NEBL: variants seen among roughly 807,000 people sequenced by gnomAD.
NEBL encodes the protein nebulette, also known as LIM and SH3 protein 2.
In NEBL, 122 loss-of-function variants were observed where a neutral mutation model predicts 140.2. The observed-to-expected ratio is 0.87, with a 90% CI of 0.75 to 1.01. NEBL has a LOEUF of 1.01. Ranked by LOEUF, NEBL falls within the 50% of genes least tolerant of loss-of-function variation. NEBL has a pLI of 0.00. For synonymous variants in NEBL, 436 were observed against 398.9 expected (o/e 1.09, Z -1.11); for missense variants, 1,365 against 1,231.3 (o/e 1.11, Z -1.62).
chr10:20,911,773 G>C (rs1848341368), intron 4 of NEBL, among the ~76,000 whole-genome samples: 1 of 152,166 alleles, frequency 6.6e-6, no homozygotes, highest in Admixed American at 6.5e-5. Context: ...ATCATCAGTG[G>C]GAAATTAAAT....
chr10:21,093,403 G>A (rs1194776719), intron 2 of NEBL, among the ~76,000 whole-genome samples: 1 of 152,082 alleles, frequency 6.6e-6, no homozygotes, highest in South Asian at 2.1e-4. Flanking sequence ...CTCTTGGCTT[G>A]CTCTGTCTCC....
intron 2 of NEBL, among the ~76,000 whole-genome samples, chr10:21,050,909 C>T (rs1810866308): frequency 1.3e-5 from 2 of 152,132 alleles, no homozygotes; most frequent in African/African-American, 4.8e-5. Flanking sequence ...CTTCAGATTC[C>T]CTGAGTCTTA....
chr10:20,994,585 C>A (rs565661490), intron 3 of NEBL, among the ~76,000 whole-genome samples: 57 of 152,084 alleles, frequency 3.7e-4, no homozygotes, highest in African/African-American at 1.3e-3. Context: ...AGGGCATTGA[C>A]CCCCCCGTAC....
At chr10:21,063,205 G>T (rs1357126016) in intron 2 of NEBL, among the ~76,000 whole-genome samples, 1 of 152,042 alleles carries the variant, frequency 6.6e-6, no homozygotes, top group Non-Finnish European at 1.5e-5. Flanking sequence ...ACGCAGTTCC[G>T]ATCTTGCTCC....
intron 4 of NEBL, among the ~76,000 whole-genome samples, chr10:20,929,418 A>G (rs1834070507): frequency 6.6e-6 from 1 of 152,174 alleles, no homozygotes; most frequent in South Asian, 2.1e-4. Context: ...TTTTGTTAAA[A>G]GGACAAAAGT....
chr10:20,889,980 G>C, intron 2 of NEBL, 31 bp from the exon 3 acceptor site: 1 of 1,408,574 alleles, frequency 7.1e-7, no homozygotes, highest in Non-Finnish European at 1.0e-6. Flanking sequence ...CATAAGAAGA[G>C]AAAAAGAAAA....
intron 26 of NEBL, among the ~76,000 whole-genome samples, chr10:20,805,901 C>T (rs1429909038): frequency 6.6e-6 from 1 of 151,908 alleles, no homozygotes; most frequent in African/African-American, 2.4e-5. Context: ...ATTTGAGTCA[C>T]TGAGTCATCG....
At chr10:21,004,628 G>A (rs1302325633) in intron 3 of NEBL, among the ~76,000 whole-genome samples, 1 of 152,066 alleles carries the variant, frequency 6.6e-6, no homozygotes, top group Non-Finnish European at 1.5e-5. Flanking sequence ...GCTGAGGCAG[G>A]AGAATGGTGT....
intron 4 of NEBL, among the ~76,000 whole-genome samples, chr10:20,882,224 GAAAA>G (rs1564417138): frequency 7.0e-6 from 1 of 142,524 alleles, no homozygotes; most frequent in African/African-American, 2.6e-5. Context: ...AAGAAGGAAA[GAAAA>G]AAGGAAGGAA....
At chr10:20,874,249 G>A (rs1337301282) in intron 5 of NEBL, among the ~76,000 whole-genome samples, 3 of 152,008 alleles carry the variant, frequency 2.0e-5, no homozygotes, top group African/African-American at 7.2e-5. Context: ...TTTTAATTTG[G>A]AAACAGCTCC....
chr10:21,049,209 G>A (rs1418682502), intron 2 of NEBL, among the ~76,000 whole-genome samples: 2 of 152,128 alleles, frequency 1.3e-5, no homozygotes, highest in Admixed American at 6.6e-5. Flanking sequence ...ATATAGACAG[G>A]TGTTTGACCA....
At chr10:21,042,727 T>A (rs918514594) in intron 2 of NEBL, among the ~76,000 whole-genome samples, 2 of 152,332 alleles carry the variant, frequency 1.3e-5, no homozygotes, top group East Asian at 1.9e-4. Context: ...CTGAGAGAGC[T>A]GGTTTTTAAC....
In NEBL at chr10:21,274,784, T is replaced by A. The variant is rs537781003; in HGVS notation, n.182+18046A>T. ...AGAAAAGAAAAATGTTATTTAAGAA[T>A]CATAAGGAAAAAATATTTGCTTTTT... On this transcript the variant is annotated intron_variant and non_coding_transcript_variant, in intron 1 of 8. Transcript: ENST00000675702. Among the ~76,000 whole-genome samples the A allele has an allele frequency of 2.0e-5, 3 of 151,942 alleles. No individual in the cohort carries two copies. In the South Asian group the frequency reaches 6.2e-4, roughly 31 times the overall value.
intron 3 of NEBL, among the ~76,000 whole-genome samples, chr10:20,987,155 G>T (rs12268357): frequency 0.038 from 5,707 of 151,202 alleles, 342 homozygotes; most frequent in African/African-American, 0.13. Flanking sequence ...TGTACCGACC[G>T]TTATGGGTAA....
upstream of NEBL, chr10:21,174,811 C>T (rs145215398): frequency 9.4e-3 from 1,435 of 152,356 alleles, 16 homozygotes; most frequent in Middle Eastern, 0.017. Flanking sequence ...CTTCTCTCAC[C>T]GGCTCCCAGA....
At chr10:21,156,763 A>G (rs1349322154) in intron 2 of NEBL, among the ~76,000 whole-genome samples, 1 of 152,240 alleles carries the variant, frequency 6.6e-6, no homozygotes, top group Non-Finnish European at 1.5e-5. Context: ...GAGAAAATTA[A>G]TAATTAAATT....
intron 3 of NEBL, among the ~76,000 whole-genome samples, chr10:21,017,676 C>T (rs529932720): frequency 6.6e-6 from 1 of 152,156 alleles, no homozygotes; most frequent in Non-Finnish European, 1.5e-5. Flanking sequence ...CATCTATAAC[C>T]ACTAACTGAG....
intron 1 of NEBL, among the ~76,000 whole-genome samples, chr10:21,288,489 G>A (rs1411841110): frequency 4.8e-5 from 7 of 144,772 alleles, no homozygotes; most frequent in Non-Finnish European, 9.1e-5. Context: ...AAAGCCCGAC[G>A]CGGTGGCTCA....
At chr10:20,876,817 G>A (rs1409159693) in intron 5 of NEBL, among the ~76,000 whole-genome samples, 2 of 152,150 alleles carry the variant, frequency 1.3e-5, no homozygotes, top group Non-Finnish European at 2.9e-5. Flanking sequence ...TGGAACTAGG[G>A]CTTTCATTAT....
Sources: gnomAD v4.1 joint callset for allele counts (sites outside exome capture counted in the v4.1 genomes callset) on GRCh38, gnomAD v4.1.1 for gene constraint, MANE v1.5 for transcripts, NCBI Gene and HGNC (gene_info 2026-07-23, HGNC 2026-07-21) for gene names.